WDR62: variants seen among roughly 807,000 people sequenced by gnomAD.
WDR62 encodes WD repeat-containing protein 62.
In WDR62, 112 loss-of-function variants were observed where a neutral mutation model predicts 160.6. The observed-to-expected ratio is 0.70, with a 90% CI of 0.60 to 0.82. WDR62 has a LOEUF of 0.82. Ranked by LOEUF, WDR62 falls within the 40% of genes least tolerant of loss-of-function variation. The pLI, the probability that WDR62 is intolerant of heterozygous loss-of-function variation, is 0.00. For synonymous variants in WDR62, 792 were observed against 815.1 expected, an observed-to-expected ratio of 0.97 and a Z score of 0.48; for missense variants, 1,819 against 1,983.8, an observed-to-expected ratio of 0.92 and a Z score of 1.58.
chr19:36,110,322 T>G, the WDR62 span, among the ~76,000 whole-genome samples: 5 of 151,920 alleles, frequency 3.3e-5, no homozygotes, highest in African/African-American at 1.2e-4. Flanking sequence ...AATACAAAAA[T>G]TAGCCCGGTG....
In WDR62 at chr19:36,084,795, C is replaced by G. The variant is rs372700329; in HGVS notation, c.1642+51C>G. On this transcript the variant is annotated intron_variant, in intron 12 of 31. Coordinates refer to ENST00000401500, the MANE Select transcript of WDR62 (RefSeq NM_001083961.2). ...GGGGTCAGGCAGGGAGGCAGCCCCC[C>G]TGGCAGGGCCACAGAAAGGGGTAGT... The G allele has an allele frequency of 3.9e-6, 6 of 1,549,060 alleles. No individual in the cohort carries two copies. The African/African-American group carries it at 6.8e-5, about 17-fold the overall frequency.
rs1489369893 is a variant in WDR62 at position 36,092,754 on chromosome 19, T to C, written c.2276T>C (p.Ile759Thr). 17 of 1,613,934 alleles carry C rather than the reference T, an allele frequency of 1.1e-5. No homozygotes were observed. Among genetic ancestry groups the C allele is most frequent in the African/African-American group, 1.3e-5 (1 of 74,892 alleles). Residue 759 changes from isoleucine (I) to threonine (T), a missense_variant, in exon 19 of 32, where the codon ATT becomes ACT. Transcript: ENST00000401500. Reference sequence around the variant, plus strand: ...TGCATGAAGCAGCACTTGCTGGAGATTGACCACCGGCAGCAGCAGCAGCAC... The same window carrying C: ...TGCATGAAGCAGCACTTGCTGGAGACTGACCACCGGCAGCAGCAGCAGCAC... ...TNCMKQHLLE[I>T]DHRQQQQHTN...
At position 36,058,615 on chromosome 19, in the gene WDR62, C is replaced by T. The variant is rs138528013; in HGVS notation, c.178-165C>T. 3.2e-3 allele frequency among the ~76,000 whole-genome samples: 489 copies of T among 152,360 alleles called. 4 individuals are homozygous for T. Among genetic ancestry groups the T allele is most frequent in the African/African-American group, 0.011 (456 of 41,596 alleles). On this transcript the variant is annotated intron_variant, in intron 1 of 31. Coordinates refer to ENST00000401500, the MANE Select transcript of WDR62 (RefSeq NM_001083961.2). ...GCTTTTCACCTAGCGTTGTATTTGT[C>T]AAAGGAATGTTGAGAGAACAAGTGT...
At chr19:36,058,474 T>C (rs1212297281) in intron 1 of WDR62, among the ~76,000 whole-genome samples, 1 of 152,244 alleles carries the variant, frequency 6.6e-6, no homozygotes, top group Non-Finnish European at 1.5e-5. Context: ...CACCCATCAT[T>C]ACTTGGCATC....
At chr19:36,066,111 C>A (rs1970924024) in intron 4 of WDR62, 96 bp downstream of exon 4, 9 of 1,574,508 alleles carry the variant, frequency 5.7e-6, no homozygotes, top group Non-Finnish European at 7.0e-6. Flanking sequence ...CCTGGAATAG[C>A]TCCTTCCTGG....
rs373959646 is a variant in WDR62, at chr19:36,081,522, C to G, written c.1323C>G (p.Asn441Lys). ...CSSDNTIRFW[N>K]LDSSPDSHWQ... ...CAGACAACACCATTCGCTTCTGGAA[C>G]TTGGACAGCAGCCCTGATTCTCACT... Residue 441 changes from asparagine to lysine, a missense_variant, in exon 10 of 32, where the codon AAC becomes AAG. Transcript: ENST00000401500. 3.3e-5 allele frequency: 54 copies of G among 1,614,076 alleles called. No individual in the cohort carries two copies. Among genetic ancestry groups the G allele is most frequent in the Non-Finnish European group, 4.3e-5 (51 of 1,180,048 alleles).
chr19:36,101,331 A>G lies in WDR62; in HGVS notation c.2971+14A>G, dbSNP rs1167479898. 1 of 1,601,160 alleles carries G rather than the reference A, an allele frequency of 6.2e-7. No homozygotes were observed. The highest frequency in any genetic ancestry group is 1.7e-5 in the Admixed American group (1 of 58,200). Reference sequence around the variant, plus strand: ...GCCCGCCTGAGGGTGAGTGCAGGGCAGGCAGGGACCCTGTGACAGTCTGTG... The same window carrying G: ...GCCCGCCTGAGGGTGAGTGCAGGGCGGGCAGGGACCCTGTGACAGTCTGTG... On this transcript the variant is annotated intron_variant, in intron 24 of 31. Coordinates refer to ENST00000401500, the MANE Select transcript of WDR62 (RefSeq NM_001083961.2).
At chr19:36,108,358 C>A (rs1204703375), downstream of WDR62, among the ~76,000 whole-genome samples, 2 of 151,740 alleles carry the variant, frequency 1.3e-5, no homozygotes, top group Non-Finnish European at 2.9e-5. Flanking sequence ...CACTGCAACT[C>A]CCCCCCTGCT....
downstream of WDR62, among the ~76,000 whole-genome samples, chr19:36,109,433 G>A (rs183961991): frequency 5.7e-4 from 86 of 152,164 alleles, no homozygotes; most frequent in Non-Finnish European, 1.1e-3. Context: ...TAGGTCTGGA[G>A]CTTAGAAAAT....
At chr19:36,059,144 T>C in intron 2 of WDR62, 1 of 594,348 alleles carries the variant, frequency 1.7e-6, no homozygotes, top group Non-Finnish European at 3.3e-6. Context: ...AAGTCCACGC[T>C]GTGGTGTCAG....
In WDR62 at chr19:36,081,326, G is replaced by T. The variant is rs138592832; in HGVS notation, c.1234-107G>T. On this transcript the variant is annotated intron_variant, in intron 9 of 31. Coordinates refer to ENST00000401500, the MANE Select transcript of WDR62 (RefSeq NM_001083961.2). ...ATTTTTAGCATAGAAGGTATTGCAC[G>T]ATACCTGTTTATCTTTAACTTACTT... is the stretch of plus-strand genomic sequence containing the variant. 3.8e-6 allele frequency: 5 copies of T among 1,330,990 alleles called. No homozygotes were observed. The African/African-American group carries it at 7.2e-5, about 19-fold the overall frequency. 82.4% of individuals were successfully genotyped at this position (1,330,990 alleles called of 1,614,324 possible).
intron 7 of WDR62, chr19:36,070,152 T>C (rs889461768): frequency 7.8e-5 from 11 of 141,230 alleles, no homozygotes; most frequent in Admixed American, 4.6e-4. Context: ...TTTATTTTTA[T>C]TTATTTTTAC....
rs143054242 is a variant in WDR62, at chr19:36,089,724, G to A, written c.1958+418G>A. Among the ~76,000 whole-genome samples the A allele has an allele frequency of 1.7e-4, 26 of 152,330 alleles. No homozygotes were observed. In the East Asian group the frequency reaches 3.3e-3, roughly 19 times the overall value. On this transcript the variant is annotated intron_variant, in intron 15 of 31. Coordinates refer to ENST00000401500, the MANE Select transcript of WDR62 (RefSeq NM_001083961.2). ...CTCCCAAAGTGCTGGGATTACAGGC[G>A]TGAGCCACCGTGCCCGGCCACCAGC... is the stretch of plus-strand genomic sequence containing the variant.
intron 15 of WDR62, 113 bp from the exon 16 acceptor site, chr19:36,090,332 G>A: frequency 1.0e-6 from 1 of 953,410 alleles, no homozygotes; most frequent in Non-Finnish European, 1.7e-6. Context: ...GCATCAGATG[G>A]GGACAAGAGG....
At chr19:36,100,224 C>T (rs975331125) in intron 22 of WDR62, among the ~76,000 whole-genome samples, 3 of 152,210 alleles carry the variant, frequency 2.0e-5, no homozygotes, top group African/African-American at 7.2e-5. Context: ...GCCCGTGCAA[C>T]TTTAGCTCTT....
intron 10 of WDR62, among the ~76,000 whole-genome samples, chr19:36,082,192 G>A (rs1025431569): frequency 1.3e-5 from 2 of 152,198 alleles, no homozygotes; most frequent in African/African-American, 4.8e-5. Context: ...TCTAGTGAGG[G>A]CCGACAGTGA....
Position 36,099,513 on chromosome 19 carries a change from G to T in WDR62, c.2635G>T (p.Ala879Ser), listed in dbSNP as rs1433304097. ...GQEPLKTILD[A>S]QDLDCYFTPM... The stretch of plus-strand genomic sequence containing the variant: ...AGAGCCCCTCAAGACCATCCTGGAT[G>T]CCCAGGACCTGGATTGCTACTTTAC... Residue 879 changes from alanine to serine, a missense_variant, in exon 22 of 32, where the codon GCC becomes TCC. By Grantham distance (99) the Ala-to-Ser change is moderately conservative. Transcript: ENST00000401500. The T allele has an allele frequency of 6.2e-7, 1 of 1,614,024 alleles. No homozygotes were observed. The highest frequency in any genetic ancestry group is 2.2e-5 in the East Asian group (1 of 44,886).
chr19:36,106,362 CAAAA>C (rs10668126), downstream of WDR62, among the ~76,000 whole-genome samples: 15 of 115,238 alleles, frequency 1.3e-4, no homozygotes, highest in South Asian at 2.8e-4. Flanking sequence ...CAGCAAGTCT[CAAAA>C]AAAAAAAAAA....
intron 9 of WDR62, among the ~76,000 whole-genome samples, chr19:36,079,657 G>A (rs917176946): frequency 6.6e-6 from 1 of 152,198 alleles, no homozygotes; most frequent in Non-Finnish European, 1.5e-5. Flanking sequence ...CTGCTGTTCA[G>A]TTTGGCCCAG....
Sources: allele counts gnomAD v4.1 joint callset (sites outside exome capture counted in the v4.1 genomes callset), GRCh38; gene constraint gnomAD v4.1.1; transcripts MANE v1.5; gene names NCBI Gene and HGNC (gene_info 2026-07-23, HGNC 2026-07-21).